DMD: variants seen among roughly 807,000 people sequenced by gnomAD.
DMD encodes the protein mutant dystrophin.
Under a neutral mutation model 330.1 loss-of-function variants are expected in DMD, and 63 were observed. The observed-to-expected ratio is 0.19, with a 90% CI of 0.16 to 0.24. DMD has a LOEUF of 0.24. Among genes scored for constraint, DMD ranks in the 10% least tolerant of loss-of-function variants. The pLI, the probability that DMD is intolerant of heterozygous loss-of-function variation, is 1.00. For synonymous variants in DMD, 1,223 were observed against 959.8 expected (o/e 1.27, Z -5.07); for missense variants, 3,344 against 2,684.1 (o/e 1.25, Z -5.43).
chrX:32,560,953 C>T (rs2050931574), intron 16 of DMD, among the ~76,000 whole-genome samples: 1 of 111,501 alleles, frequency 9.0e-6, no homozygotes, highest in Admixed American at 9.6e-5. Flanking sequence ...GGGTATATAT[C>T]CAGTAACGGC....
intron 37 of DMD, among the ~76,000 whole-genome samples, chrX:32,356,279 C>T (rs1448748925): frequency 9.5e-6 from 1 of 105,387 alleles, no homozygotes; most frequent in South Asian, 4.3e-4. Context: ...TTCTACATTA[C>T]ATGGGAAGGT....
intron 50 of DMD, among the ~76,000 whole-genome samples, chrX:31,780,560 T>C (rs2090958375): frequency 1.8e-5 from 2 of 112,163 alleles, no homozygotes; most frequent in South Asian, 7.3e-4. Flanking sequence ...CATTGGAGAA[T>C]ATTTTCTTTT....
intron 52 of DMD, among the ~76,000 whole-genome samples, chrX:31,709,499 GAAGAT>G (rs1319915992): frequency 9.2e-6 from 1 of 108,889 alleles, no homozygotes; most frequent in African/African-American, 3.3e-5. Flanking sequence ...GAATGAGAAA[GAAGAT>G]AAATAAAAAT....
intron 52 of DMD, among the ~76,000 whole-genome samples, chrX:31,721,718 C>CTCTCTA (rs1227959078): frequency 3.7e-3 from 209 of 56,353 alleles, no homozygotes; most frequent in Middle Eastern, 0.011. Flanking sequence ...CTCTCTCTCT[C>CTCTCTA]TATATATATA....
intron 63 of DMD, among the ~76,000 whole-genome samples, chrX:31,250,343 T>C (rs1462831979): frequency 1.8e-5 from 2 of 111,862 alleles, no homozygotes; most frequent in East Asian, 5.5e-4. Context: ...TTCTATGCTT[T>C]GTCTTCTAAA....
chrX:31,762,551 G>C (rs2089685088), intron 51 of DMD, among the ~76,000 whole-genome samples: 1 of 111,509 alleles, frequency 9.0e-6, no homozygotes, highest in African/African-American at 3.3e-5. Flanking sequence ...CCTGGCGACA[G>C]AGACTCCATC....
At chrX:31,281,712 AG>A (rs1428364701) in intron 62 of DMD, among the ~76,000 whole-genome samples, 1 of 111,900 alleles carries the variant, frequency 8.9e-6, no homozygotes, top group East Asian at 2.8e-4. Context: ...CCTGTTGAGT[AG>A]AATGAGATCC....
intron 16 of DMD, among the ~76,000 whole-genome samples, chrX:32,562,651 C>A (rs1360940632): frequency 8.9e-6 from 1 of 112,625 alleles, no homozygotes; most frequent in Non-Finnish European, 1.9e-5. Flanking sequence ...AATGTACATA[C>A]AAGTGAGCTT....
intron 50 of DMD, among the ~76,000 whole-genome samples, chrX:31,807,819 T>C (rs1423251711): frequency 8.9e-6 from 1 of 111,854 alleles, no homozygotes; most frequent in African/African-American, 3.2e-5. Context: ...TCTTCATTCA[T>C]AGACTGCATG....
At chrX:31,749,343 T>C (rs1306813139) in intron 51 of DMD, among the ~76,000 whole-genome samples, 2 of 89,694 alleles carry the variant, frequency 2.2e-5, no homozygotes, top group Admixed American at 2.8e-4. Flanking sequence ...CCTTCCTGTG[T>C]CCATGTGTTC....
Position 31,153,277 on chromosome X carries a change from C to T in DMD, c.10554-5759G>A, listed in dbSNP as rs933366785. Among the ~76,000 whole-genome samples, 7 of 112,039 alleles carry T rather than the reference C, an allele frequency of 6.2e-5. No individual in the cohort carries two copies. In the Admixed American group the frequency reaches 6.6e-4, roughly 11 times the overall value. The stretch of plus-strand genomic sequence containing the variant: ...GCCATAGCTGCATATAAGCTGTAGA[C>T]CCTTGCAGCAAACTGTTTCTTTTCA... On this transcript the variant is annotated intron_variant, in intron 74 of 78. Coordinates refer to ENST00000357033, the MANE Select transcript of DMD (RefSeq NM_004006.3).
At chrX:31,825,314 G>C (rs778736484) in intron 49 of DMD, among the ~76,000 whole-genome samples, 13 of 111,750 alleles carry the variant, frequency 1.2e-4, no homozygotes, top group Non-Finnish European at 2.3e-4. Context: ...TTTCAACATG[G>C]GATGAAATCT....
In DMD at chrX:32,675,804, G is replaced by T. The variant is rs915349510; in HGVS notation, c.960+22066C>A. Among the ~76,000 whole-genome samples the T allele has an allele frequency of 9.0e-5, 10 of 111,656 alleles. No homozygotes were observed. The Admixed American group carries it at 9.6e-4, about 11-fold the overall frequency. ...ATATTAACAGAATCTTCTCAATAGGGTTGTTATAAACATTGAATTAATGTA... is the reference window on the plus strand; with the variant it reads ...ATATTAACAGAATCTTCTCAATAGGTTTGTTATAAACATTGAATTAATGTA... On this transcript the variant is annotated intron_variant, in intron 9 of 78. Transcript: ENST00000357033.
intron 60 of DMD, among the ~76,000 whole-genome samples, chrX:31,351,187 T>C (rs199752670): frequency 1.1e-5 from 1 of 94,232 alleles, no homozygotes; most frequent in Non-Finnish European, 2.1e-5. Flanking sequence ...CACATATACA[T>C]ACATACATAC....
intron 49 of DMD, among the ~76,000 whole-genome samples, chrX:31,835,802 T>C (rs1335891353): frequency 8.9e-6 from 1 of 111,798 alleles, no homozygotes; most frequent in Non-Finnish European, 1.9e-5. Flanking sequence ...ACTGGTTCTG[T>C]ATAATGAGGT....
At position 31,530,458 on chromosome X, in the gene DMD, T is replaced by A. The variant is rs7889872; in HGVS notation, c.8218-23005A>T. Reference sequence around the variant, plus strand: ...CTTGTCTGCGGCTGTATCTCCCACTTCCAGCTTGATAGCTGGTATGCAACT... The same window carrying A: ...CTTGTCTGCGGCTGTATCTCCCACTACCAGCTTGATAGCTGGTATGCAACT... On this transcript the variant is annotated intron_variant, in intron 55 of 78. Coordinates refer to ENST00000357033, the MANE Select transcript of DMD (RefSeq NM_004006.3). Among the ~76,000 whole-genome samples the A allele has an allele frequency of 8.0e-3, 884 of 110,970 alleles. 4 individuals carry two copies. The highest frequency in any genetic ancestry group is 0.028 in the African/African-American group (840 of 30,520).
rs1461080991 is a variant in DMD, at chrX:33,009,488, G to A, written c.93+10651C>T. 3.8e-4 allele frequency among the ~76,000 whole-genome samples: 31 copies of A among 81,430 alleles called. 1 individual carries two copies. The highest frequency in any genetic ancestry group is 9.4e-4 in the African/African-American group (19 of 20,276). The allele number at this position is 81,430 out of a possible 115,157, so 70.7% of individuals were successfully genotyped here. A position where few individuals can be genotyped will look rare whatever the true frequency, so the allele number is the denominator to read the frequency against. Reference sequence around the variant, plus strand: ...CATATGTGTGTATGTGTATACACATGTGTGTATATGTATATGTGTATATAC... The same window carrying A: ...CATATGTGTGTATGTGTATACACATATGTGTATATGTATATGTGTATATAC... On this transcript the variant is annotated intron_variant, in intron 2 of 78. Coordinates refer to ENST00000357033, the MANE Select transcript of DMD (RefSeq NM_004006.3).
At chrX:32,308,077 G>A (rs1735938131) in intron 42 of DMD, among the ~76,000 whole-genome samples, 1 of 109,026 alleles carries the variant, frequency 9.2e-6, no homozygotes, top group Non-Finnish European at 1.9e-5. Context: ...TTCCACATAT[G>A]TATATATATA....
intron 7 of DMD, among the ~76,000 whole-genome samples, chrX:32,727,482 A>C (rs1162612474): frequency 2.7e-5 from 3 of 110,683 alleles, no homozygotes; most frequent in Admixed American, 9.7e-5. Context: ...TTACACCTCT[A>C]TAATCACCTT....
Sources: gnomAD v4.1 joint callset for allele counts (sites outside exome capture counted in the v4.1 genomes callset) on GRCh38, gnomAD v4.1.1 for gene constraint, MANE v1.5 for transcripts, NCBI Gene and HGNC (gene_info 2026-07-23, HGNC 2026-07-21) for gene names.